PTBP2: variants seen among roughly 807,000 people sequenced by gnomAD.
PTBP2 encodes polypyrimidine tract binding protein 2, also known as polypyrimidine tract-binding protein 2.
A neutral mutation model predicts 61.4 loss-of-function variants in PTBP2; 13 were observed. The observed-to-expected ratio is 0.21, with a 90% CI of 0.14 to 0.34. The LOEUF (loss-of-function observed/expected upper bound fraction) is 0.34. PTBP2 is among the 10% of genes least tolerant of loss of function. The pLI, the probability that PTBP2 is intolerant of heterozygous loss-of-function variation, is 1.00. For missense variants in PTBP2, 405 were observed against 642.6 expected (o/e 0.63, Z 4.00); for synonymous variants, 215 against 218.5 (o/e 0.98, Z 0.14).
At chr1:96,806,822 A>G in intron 10 of PTBP2, 44 bp from the exon 11 acceptor site, 1 of 1,465,588 alleles carries the variant, frequency 6.8e-7, no homozygotes, top group Non-Finnish European at 9.5e-7. Context: ...TTCCACATAA[A>G]ATTAATTCCA....
chr1:96,740,715 T>C (rs1392222084), intron 2 of PTBP2, among the ~76,000 whole-genome samples: 1 of 152,166 alleles, frequency 6.6e-6, no homozygotes, highest in Non-Finnish European at 1.5e-5. Flanking sequence ...ATGTTTAAAC[T>C]ATAGATGTAC....
At chr1:96,794,112 T>G (rs1213376260) in intron 8 of PTBP2, among the ~76,000 whole-genome samples, 2 of 152,230 alleles carry the variant, frequency 1.3e-5, no homozygotes, top group Non-Finnish European at 2.9e-5. Flanking sequence ...TTTAAGAAAT[T>G]TATTTCATTT....
chr1:96,784,947 T>C (rs1659060438), intron 7 of PTBP2, 112 bp from the exon 8 acceptor site: 1 of 840,712 alleles, frequency 1.2e-6, no homozygotes. Flanking sequence ...ATCCTTTTCC[T>C]GGTAGCTTTT....
At chr1:96,781,122 A>G (rs1466641284) in intron 7 of PTBP2, among the ~76,000 whole-genome samples, 1 of 152,052 alleles carries the variant, frequency 6.6e-6, no homozygotes, top group African/African-American at 2.4e-5. Flanking sequence ...ATAAATTTTG[A>G]CACAGACTTC....
exon 14 of PTBP2, chr1:96,820,458 A>G (rs1386691776): frequency 6.6e-6 from 1 of 152,176 alleles, no homozygotes; most frequent in African/African-American, 2.4e-5. Context: ...TTTCATCCTG[A>G]GAAACAAATG....
intron 7 of PTBP2, among the ~76,000 whole-genome samples, chr1:96,780,350 AC>A (rs1284784772): frequency 2.6e-5 from 4 of 151,662 alleles, no homozygotes; most frequent in Non-Finnish European, 5.9e-5. Flanking sequence ...ACTTTCTATC[AC>A]CCTGCCTCCC....
intron 2 of PTBP2, among the ~76,000 whole-genome samples, chr1:96,742,891 TGTC>T (rs1653228463): frequency 6.6e-6 from 1 of 152,208 alleles, no homozygotes; most frequent in Non-Finnish European, 1.5e-5. Context: ...AATTTCTTAA[TGTC>T]GTCTAATCTC....
At chr1:96,810,133 C>T (rs888532387) in intron 11 of PTBP2, among the ~76,000 whole-genome samples, 18 of 151,942 alleles carry the variant, frequency 1.2e-4, no homozygotes, top group Admixed American at 9.2e-4. Flanking sequence ...TTTTATTATT[C>T]GTTAATAATC....
intron 8 of PTBP2, among the ~76,000 whole-genome samples, chr1:96,785,527 C>T (rs1324182789): frequency 6.6e-6 from 1 of 152,168 alleles, no homozygotes; most frequent in African/African-American, 2.4e-5. Context: ...AAGAAAAGCT[C>T]TAATGAAGAA....
intron 2 of PTBP2, among the ~76,000 whole-genome samples, chr1:96,732,900 A>T (rs1236172723): frequency 3.3e-5 from 5 of 152,192 alleles, no homozygotes; most frequent in Non-Finnish European, 5.9e-5. Context: ...AGAATGGCAG[A>T]TAGGTTATAT....
intron 8 of PTBP2, among the ~76,000 whole-genome samples, chr1:96,802,515 T>A (rs540055836): frequency 1.3e-5 from 2 of 152,334 alleles, no homozygotes; most frequent in South Asian, 4.1e-4. Flanking sequence ...TAGTGGGCCC[T>A]TAGAATTACT....
At chr1:96,802,920 TACTG>T (rs1455828745) in intron 8 of PTBP2, among the ~76,000 whole-genome samples, 5 of 152,138 alleles carry the variant, frequency 3.3e-5, no homozygotes, top group African/African-American at 9.7e-5. Context: ...TATCTGAAAA[TACTG>T]ACGAATAGTA....
intron 2 of PTBP2, chr1:96,749,830 G>T (rs993497059): frequency 3.4e-6 from 1 of 296,796 alleles, no homozygotes; most frequent in East Asian, 8.2e-5. Flanking sequence ...TAAGGGCTGT[G>T]ATGTAGATGT....
At chr1:96,813,217 T>C (rs1662242715) in intron 13 of PTBP2, 59 bp from the exon 14 acceptor site, 4 of 1,556,054 alleles carry the variant, frequency 2.6e-6, no homozygotes, top group Non-Finnish European at 3.5e-6. Flanking sequence ...AATTCAAGTA[T>C]TTAATAAGCC....
In PTBP2 at chr1:96,804,897, T is replaced by A. The variant is rs139787687; in HGVS notation, c.1002T>A (p.Ala334=). Residue 334 remains alanine (A), a synonymous_variant, in exon 9 of 14, where the codon GCT becomes GCA. Coordinates refer to ENST00000674951, the MANE Select transcript of PTBP2 (RefSeq NM_021190.4). The part of the protein sequence containing the change: ...AGRVGMPGVS[A]GGNTVLLVSN... ...GAGTGGGTATGCCTGGAGTCTCAGC[T>A]GGTGGCAATACAGTCCTGTTGGTTA... 178 of 1,611,234 alleles carry A rather than the reference T, an allele frequency of 1.1e-4. No individual in the cohort carries two copies. The African/African-American group carries it at 2.0e-3, about 18-fold the overall frequency.
At chr1:96,762,451 C>A in intron 3 of PTBP2, among the ~76,000 whole-genome samples, 1 of 147,982 alleles carries the variant, frequency 6.8e-6, no homozygotes, top group Non-Finnish European at 1.5e-5. Flanking sequence ...GGGGCTGACC[C>A]CCCCACCTCC....
chr1:96,798,614 CAAAAG>C (rs1162305803), intron 8 of PTBP2, among the ~76,000 whole-genome samples: 1 of 151,986 alleles, frequency 6.6e-6, no homozygotes, highest in Non-Finnish European at 1.5e-5. Context: ...AGTAAACTCT[CAAAAG>C]TAAGGGGAAC....
chr1:96,741,870 A>G (rs964172637), intron 2 of PTBP2, among the ~76,000 whole-genome samples: 3 of 152,176 alleles, frequency 2.0e-5, no homozygotes, highest in Non-Finnish European at 4.4e-5. Context: ...GCTTTTCTCC[A>G]ATGATCTGCT....
intron 2 of PTBP2, among the ~76,000 whole-genome samples, chr1:96,729,943 G>T (rs1228552130): frequency 6.6e-6 from 1 of 151,852 alleles, no homozygotes. Context: ...TCACTATGTT[G>T]GCCAGGTTGG....
Sources: allele counts gnomAD v4.1 joint callset (sites outside exome capture counted in the v4.1 genomes callset), GRCh38; gene constraint gnomAD v4.1.1; transcripts MANE v1.5; gene names NCBI Gene and HGNC (gene_info 2026-07-23, HGNC 2026-07-21).